ANTXR1: variants seen among roughly 807,000 people sequenced by gnomAD.
The protein encoded by ANTXR1 is anthrax toxin receptor 1.
In ANTXR1, 19 loss-of-function variants were observed where a neutral mutation model predicts 78.1. That is an observed-to-expected ratio of 0.24 (90% CI 0.17 to 0.36). The LOEUF is 0.36. Ranked by LOEUF, ANTXR1 falls within the 10% of genes least tolerant of loss-of-function variation. The pLI, the probability that ANTXR1 is intolerant of heterozygous loss-of-function variation, is 1.00. For synonymous variants in ANTXR1, 273 were observed against 260.5 expected, an observed-to-expected ratio of 1.05 and a Z score of -0.46; for missense variants, 518 against 718.6, an observed-to-expected ratio of 0.72 and a Z score of 3.19.
Position 69,026,781 on chromosome 2 carries a change from C to T in ANTXR1, c.152+13130C>T, listed in dbSNP as rs1671356861. Among the ~76,000 whole-genome samples the T allele has an allele frequency of 1.3e-5, 2 of 152,160 alleles. 1 individual carries two copies. Among genetic ancestry groups the T allele is most frequent in the South Asian group, 4.1e-4 (2 of 4,828 alleles). The stretch of plus-strand genomic sequence containing the variant: ...TATGACTTCAGAAAAAGATCTGGAG[C>T]ATCTGGAGCATAAACAGTTAGCTTC... On this transcript the variant is annotated intron_variant, in intron 1 of 17. Coordinates refer to ENST00000303714, the MANE Select transcript of ANTXR1 (RefSeq NM_032208.3).
chr2:69,171,618 G>A (rs1673987577), intron 14 of ANTXR1, among the ~76,000 whole-genome samples: 1 of 152,150 alleles, frequency 6.6e-6, no homozygotes, highest in Non-Finnish European at 1.5e-5. Flanking sequence ...CTCTTGCTCT[G>A]TATTTGCCTT....
intron 9 of ANTXR1, among the ~76,000 whole-genome samples, chr2:69,097,501 C>T (rs898695923): frequency 6.6e-6 from 1 of 152,158 alleles, no homozygotes; most frequent in African/African-American, 2.4e-5. Flanking sequence ...TGGTGTATTC[C>T]TCTCACTTTT....
chr2:69,214,222 T>C (rs912391532), intron 17 of ANTXR1, among the ~76,000 whole-genome samples: 1 of 152,224 alleles, frequency 6.6e-6, no homozygotes, highest in African/African-American at 2.4e-5. Context: ...AACCAAGCCA[T>C]TCCCTGGCCT....
chr2:69,177,322 G>T (rs1433912268), intron 14 of ANTXR1, among the ~76,000 whole-genome samples: 2 of 152,208 alleles, frequency 1.3e-5, no homozygotes, highest in African/African-American at 4.8e-5. Context: ...GCATGATTGG[G>T]AAAGATGGGA....
chr2:69,172,731 A>T (rs1674028834), intron 14 of ANTXR1, among the ~76,000 whole-genome samples: 2 of 152,246 alleles, frequency 1.3e-5, no homozygotes, highest in Non-Finnish European at 2.9e-5. Flanking sequence ...AAATATAAAA[A>T]TTCAGAATGG....
intron 1 of ANTXR1, among the ~76,000 whole-genome samples, chr2:69,023,414 G>GTGGTGA (rs1205404963): frequency 6.6e-6 from 1 of 151,890 alleles, no homozygotes; most frequent in Non-Finnish European, 1.5e-5. Context: ...GATGGTGGTG[G>GTGGTGA]TGGTGATAGT....
intron 12 of ANTXR1, among the ~76,000 whole-genome samples, chr2:69,141,461 A>G (rs113335575): frequency 4.7e-4 from 72 of 152,284 alleles, no homozygotes; most frequent in African/African-American, 1.7e-3. Context: ...CAGGGGCAAG[A>G]GCAGTTTTCA....
chr2:69,226,420 A>G (rs549051227), intron 17 of ANTXR1, among the ~76,000 whole-genome samples: 51 of 152,300 alleles, frequency 3.3e-4, no homozygotes, highest in Middle Eastern at 3.4e-3. Flanking sequence ...GGAGCAGGTC[A>G]TGAGGCCGGA....
At chr2:69,047,475 C>T (rs1230949236) in intron 3 of ANTXR1, among the ~76,000 whole-genome samples, 1 of 152,050 alleles carries the variant, frequency 6.6e-6, no homozygotes, top group African/African-American at 2.4e-5. Flanking sequence ...TGGAATGTGT[C>T]GTTTTTCTCT....
Position 69,101,388 on chromosome 2 carries a change from T to G in ANTXR1, c.704-1454T>G, listed in dbSNP as rs554378070. Among the ~76,000 whole-genome samples, 20 of 152,338 alleles carry G rather than the reference T, an allele frequency of 1.3e-4. No individual in the cohort carries two copies. The East Asian group carries it at 3.9e-3, about 29-fold the overall frequency. On this transcript the variant is annotated intron_variant, in intron 9 of 17. Transcript: ENST00000303714. ...CATTTGGTGCCTAACAGACCTCGAT[T>G]CCAGTTCTGATTCTGACAAGTTACC...
chr2:69,124,913 G>A (rs780371825), intron 12 of ANTXR1, among the ~76,000 whole-genome samples: 14 of 152,252 alleles, frequency 9.2e-5, no homozygotes, highest in South Asian at 8.3e-4. Context: ...CTGACCAGAC[G>A]GTAAGATGGG....
At chr2:69,113,122 G>C (rs147575547) in intron 10 of ANTXR1, among the ~76,000 whole-genome samples, 3 of 152,196 alleles carry the variant, frequency 2.0e-5, no homozygotes, top group South Asian at 2.1e-4. Flanking sequence ...CTCCAGGCAT[G>C]TGCTGCATTT....
At chr2:69,107,114 T>TCC (rs34557549) in intron 10 of ANTXR1, among the ~76,000 whole-genome samples, 29 of 148,656 alleles carry the variant, frequency 2.0e-4, no homozygotes, top group Non-Finnish European at 2.7e-4. Context: ...GGAAATTTCA[T>TCC]CCCCCCCCCG....
intron 17 of ANTXR1, among the ~76,000 whole-genome samples, chr2:69,242,873 G>T (rs75045433): frequency 0.033 from 4,985 of 152,324 alleles, 271 homozygotes; most frequent in African/African-American, 0.11. Context: ...AAAGAGGGCA[G>T]CTTGAACAGC....
chr2:69,033,137 C>T (rs1015410115), intron 1 of ANTXR1, among the ~76,000 whole-genome samples: 5 of 152,174 alleles, frequency 3.3e-5, no homozygotes, highest in Admixed American at 6.5e-5. Flanking sequence ...GGCACCCTGT[C>T]CTGGGGTCTC....
intron 12 of ANTXR1, among the ~76,000 whole-genome samples, chr2:69,138,138 G>A (rs1025998467): frequency 4.0e-5 from 6 of 151,610 alleles, no homozygotes; most frequent in African/African-American, 7.3e-5. Flanking sequence ...AATTGGTAGA[G>A]GGGGGAAGGA....
chr2:69,235,494 A>G (rs893422150), intron 17 of ANTXR1, among the ~76,000 whole-genome samples: 41 of 152,006 alleles, frequency 2.7e-4, no homozygotes, highest in African/African-American at 9.6e-4. Context: ...TACCAAATAT[A>G]CAAAACAATT....
In ANTXR1 at chr2:69,216,084, T is replaced by C. The variant is rs1675166692; in HGVS notation, c.1434+22669T>C. ...AGAGGCTTGCCAGGGAGACCGTGTG[T>C]GCCAGGAGGTGAAAAGGAAGTGGCA... On this transcript the variant is annotated intron_variant, in intron 17 of 17. Transcript: ENST00000303714. Among the ~76,000 whole-genome samples the C allele has an allele frequency of 2.0e-5, 3 of 152,192 alleles. 1 individual carries two copies.
chr2:69,100,586 G>C (rs939556279), intron 9 of ANTXR1, among the ~76,000 whole-genome samples: 1 of 152,196 alleles, frequency 6.6e-6, no homozygotes, highest in Non-Finnish European at 1.5e-5. Flanking sequence ...AATAGAGTTT[G>C]GCATGTGGCC....
Sources: allele counts gnomAD v4.1 joint callset (sites outside exome capture counted in the v4.1 genomes callset), GRCh38; gene constraint gnomAD v4.1.1; transcripts MANE v1.5; gene names NCBI Gene and HGNC (gene_info 2026-07-23, HGNC 2026-07-21).